Variants in PARP10 observed in about 807,000 individuals in gnomAD.
PARP10 encodes the protein poly(ADP-ribose) polymerase family member 10, also known as protein mono-ADP-ribosyltransferase PARP10.
A neutral mutation model predicts 82.4 loss-of-function variants in PARP10; 56 were observed. The observed-to-expected ratio is 0.68, with a 90% CI of 0.55 to 0.85. The LOEUF is 0.85. Ranked by LOEUF, PARP10 falls within the 40% of genes least tolerant of loss-of-function variation. The probability of loss-of-function intolerance (pLI) is 0.00; values close to 1 mark genes in which losing one functional copy is unlikely to be tolerated. For synonymous variants in PARP10, 576 were observed against 601.1 expected, an observed-to-expected ratio of 0.96 and a Z score of 0.61; for missense variants, 1,227 against 1,379.4, an observed-to-expected ratio of 0.89 and a Z score of 1.75.
intron 1 of PARP10, among the ~76,000 whole-genome samples, chr8:143,998,084 T>C (rs782200430): frequency 3.9e-5 from 6 of 152,134 alleles, no homozygotes; most frequent in Admixed American, 1.3e-4. Context: ...TGAGCCACCG[T>C]GCCTAGCCAA....
intron 1 of PARP10, among the ~76,000 whole-genome samples, chr8:144,010,604 G>A (rs989543246): frequency 2.6e-5 from 4 of 152,170 alleles, no homozygotes; most frequent in South Asian, 2.1e-4. Context: ...GCCAGGCACA[G>A]TAGCTCACAC....
chr8:143,994,335 T>C (rs1834145716), upstream of PARP10, among the ~76,000 whole-genome samples: 1 of 152,176 alleles, frequency 6.6e-6, no homozygotes, highest in African/African-American at 2.4e-5. Flanking sequence ...GCTGCCCCGC[T>C]TCCCTCTCCC....
Position 143,986,244 on chromosome 8 carries a change from G to C in PARP10, c.3-11C>G. The C allele has an allele frequency of 6.2e-7, 1 of 1,613,844 alleles. No homozygotes were observed. Among genetic ancestry groups the C allele is most frequent in the Non-Finnish European group, 8.5e-7 (1 of 1,179,784 alleles). On this transcript the variant is annotated splice_polypyrimidine_tract_variant and intron_variant, in intron 1 of 10. Transcript: ENST00000313028. ...TCCGCCATTGCAACCCTGGGACGGG[G>C]CATCAGGTGGGTAGGGAAACAGCCC...
At chr8:143,993,889 C>T (rs1423922686), upstream of PARP10, among the ~76,000 whole-genome samples, 2 of 152,336 alleles carry the variant, frequency 1.3e-5, no homozygotes, top group East Asian at 1.9e-4. Flanking sequence ...CTGGAGATCC[C>T]GTCCAAGAGC....
At position 143,983,778 on chromosome 8, in the gene PARP10, C is replaced by A; in HGVS notation, c.1811G>T (p.Gly604Val). 1 of 1,604,062 alleles carries A rather than the reference C, an allele frequency of 6.2e-7. No homozygotes were observed. The change falls in exon 8 of 11, where the codon GGC (glycine) becomes GTC (valine). Residue 604 changes from glycine (G) to valine (V), a missense_variant. Physicochemically the swap from Gly to Val is moderately radical, Grantham distance 109. Transcript: ENST00000313028. The stretch of plus-strand genomic sequence containing the variant: ...CCAGTCCTCCCCGTCTAGGTCTAGG[C>A]CCTCCAGGGTGGCCAGCAGTTCTCG... ...EVRELLATLEGLDLDGEDWLP... is the reference protein window; with the variant it reads ...EVRELLATLEVLDLDGEDWLP...
At chr8:143,997,571 G>C (rs536187547) in intron 1 of PARP10, among the ~76,000 whole-genome samples, 80 of 137,450 alleles carry the variant, frequency 5.8e-4, no homozygotes, top group African/African-American at 1.9e-3. Flanking sequence ...CACCACAAAG[G>C]GATCTTTTTG....
upstream of PARP10, chr8:143,992,279 G>T: frequency 1.3e-6 from 2 of 1,596,210 alleles, no homozygotes; most frequent in Non-Finnish European, 1.7e-6. Context: ...TACATGGTGG[G>T]GATGATCGCC....
At chr8:144,005,324 A>T (rs1554752015) in intron 1 of PARP10, among the ~76,000 whole-genome samples, 1 of 152,098 alleles carries the variant, frequency 6.6e-6, no homozygotes, top group African/African-American at 2.4e-5. Context: ...ATTTACCCTG[A>T]GGCCTCAGAG....
In PARP10 at chr8:143,983,594, C is replaced by T; in HGVS notation, c.1995G>A (p.Glu665=). ...ALQLALHRSL[E]PQGQVAEQEE... is the part of the protein sequence containing the mutation. ...CCTGCTCAGCCACCTGACCTTGAGG[C>T]TCCAGTGACCGGTGGAGGGCCAGCT... Residue 665 remains glutamate (E), a synonymous_variant, in exon 8 of 11, where the codon GAG becomes GAA. Transcript: ENST00000313028. 6.2e-7 allele frequency: 1 copy of T among 1,605,182 alleles called. No homozygotes were observed. The highest frequency in any genetic ancestry group is 2.2e-5 in the East Asian group (1 of 44,594).
chr8:143,998,386 A>G (rs1473108229), intron 1 of PARP10, among the ~76,000 whole-genome samples: 1 of 152,300 alleles, frequency 6.6e-6, no homozygotes, highest in East Asian at 1.9e-4. Context: ...CTATTGGTTG[A>G]AGGTAATCAG....
At chr8:143,994,917 A>G (rs1447606762), upstream of PARP10, among the ~76,000 whole-genome samples, 1 of 151,946 alleles carries the variant, frequency 6.6e-6, no homozygotes, top group Non-Finnish European at 1.5e-5. Context: ...AAAGAGGAGA[A>G]TAAAGTGTTT....
chr8:143,985,247 G>A lies in PARP10; in HGVS notation c.755C>T (p.Pro252Leu). Residue 252 changes from proline (P) to leucine (L), a missense_variant, in exon 5 of 11, where the codon CCC (proline) becomes CTC (leucine). By Grantham distance (98) the Pro-to-Leu change is moderately conservative (BLOSUM62 -3). Transcript: ENST00000313028. ...SLVPHYDILE[P>L]EELAENTSGG... The stretch of plus-strand genomic sequence containing the variant: ...ACTGGTGTTCTCAGCCAGCTCCTCG[G>A]GCTCCAGGATGTCGTAGTGGGGGAC... The A allele has an allele frequency of 6.2e-7, 1 of 1,614,016 alleles. No individual in the cohort carries two copies. The highest frequency in any genetic ancestry group is 8.5e-7 in the Non-Finnish European group (1 of 1,179,994).
Position 143,983,996 on chromosome 8 carries a change from A to AGGGAGCCCTACCT in PARP10, c.1777+11_1777+12insAGGTAGGGCTCCC. 6.6e-7 allele frequency: 1 copy of AGGGAGCCCTACCT among 1,507,274 alleles called. No individual in the cohort carries two copies. Among genetic ancestry groups the AGGGAGCCCTACCT allele is most frequent in the Non-Finnish European group, 8.9e-7 (1 of 1,126,404 alleles). The allele number at this position is 1,507,274 out of a possible 1,614,324, so 93.4% of individuals were successfully genotyped here. A position where few individuals can be genotyped will look rare whatever the true frequency, so the allele number is the denominator to read the frequency against. On this transcript the variant is annotated intron_variant, in intron 7 of 10. Transcript: ENST00000313028. The stretch of plus-strand genomic sequence containing the variant: ...GCCACAGGATGTGCTGAGGGCTCCC[A>AGGGAGCCCTACCT]GGGAGCCCTACCCAGGCTCACGTCC...
chr8:143,980,318 TCAAAAAAAAAAAAAA>T (rs1454995786), intron 9 of PARP10, among the ~76,000 whole-genome samples: 6 of 15,666 alleles, frequency 3.8e-4, no homozygotes, highest in African/African-American at 7.0e-4. Flanking sequence ...AGATTCCGTC[TCAAAAAAAAAAAAAA>T]AAAAAAAAAA....
rs147273541 is a variant in PARP10 at position 143,983,053 on chromosome 8, G to A, written c.2435C>T (p.Thr812Met). ...AASGPTLAGQ[T>M]LKGPWNNLER... ...CAGGTTGTTCCAGGGCCCCTTCAGC[G>A]TCTGCCCCGCCACTGATGCATGGGG... The change falls in exon 9 of 11, where the codon ACG becomes ATG. Residue 812 changes from threonine (T) to methionine (M), a missense_variant. Coordinates refer to ENST00000313028, the MANE Select transcript of PARP10 (RefSeq NM_032789.5). 1.7e-5 allele frequency: 27 copies of A among 1,612,262 alleles called. No individual in the cohort carries two copies. The highest frequency in any genetic ancestry group is 1.6e-4 in the Middle Eastern group (1 of 6,076).
Position 143,985,558 on chromosome 8 carries a change from C to A in PARP10, c.527G>T (p.Arg176Leu). 1 of 1,614,034 alleles carries A rather than the reference C, an allele frequency of 6.2e-7. No homozygotes were observed. Residue 176 changes from arginine to leucine, a missense_variant, in exon 4 of 11, where the codon CGT (arginine) becomes CTT (leucine). Coordinates refer to ENST00000313028, the MANE Select transcript of PARP10 (RefSeq NM_032789.5). ...LARVPQARAV[R>L]VVGDGASVDL... ...CACAGAGGCACCATCCCCCACCACACGCACCGCTCGGGCCTGGGGAACCCG... is the reference window on the plus strand; with the variant it reads ...CACAGAGGCACCATCCCCCACCACAAGCACCGCTCGGGCCTGGGGAACCCG...
intron 9 of PARP10, among the ~76,000 whole-genome samples, chr8:143,982,368 G>A (rs1300694143): frequency 6.6e-6 from 1 of 152,166 alleles, no homozygotes; most frequent in Non-Finnish European, 1.5e-5. Context: ...CAGCTACTTG[G>A]GAGGCTGAGG....
At chr8:144,001,750 AG>A (rs1554751720) in intron 1 of PARP10, among the ~76,000 whole-genome samples, 1 of 151,854 alleles carries the variant, frequency 6.6e-6, no homozygotes, top group Non-Finnish European at 1.5e-5. Flanking sequence ...AGAAAAGAAA[AG>A]AAAAGTCTGG....
chr8:144,003,782 T>C (rs893589665), intron 1 of PARP10, among the ~76,000 whole-genome samples: 3 of 152,148 alleles, frequency 2.0e-5, no homozygotes, highest in Non-Finnish European at 4.4e-5. Context: ...TCTCAGCATT[T>C]TGGGAGGCCA....
Sources: allele counts gnomAD v4.1 joint callset (sites outside exome capture counted in the v4.1 genomes callset), GRCh38; gene constraint gnomAD v4.1.1; transcripts MANE v1.5; gene names NCBI Gene and HGNC (gene_info 2026-07-23, HGNC 2026-07-21).